HLF: variants seen among roughly 807,000 people sequenced by gnomAD.
HLF encodes HLF transcription factor, PAR bZIP family member.
Under a neutral mutation model 22.6 loss-of-function variants are expected in HLF, and 3 were observed. That is an observed-to-expected ratio of 0.13 (90% CI 0.06 to 0.34). The LOEUF is 0.34. HLF is among the 10% of genes least tolerant of loss of function. HLF has a pLI of 1.00. For missense variants in HLF, 299 were observed against 389.2 expected, an observed-to-expected ratio of 0.77 and a Z score of 1.95; for synonymous variants, 151 against 151.8, an observed-to-expected ratio of 0.99 and a Z score of 0.04.
intron 2 of HLF, among the ~76,000 whole-genome samples, chr17:55,313,364 G>A (rs1428658918): frequency 1.4e-5 from 2 of 146,516 alleles, no homozygotes; most frequent in Non-Finnish European, 3.0e-5. Flanking sequence ...GTGTGCGTGT[G>A]TGTGTGTGTG....
chr17:55,298,634 A>T (rs1305942001), intron 2 of HLF, among the ~76,000 whole-genome samples: 2 of 152,316 alleles, frequency 1.3e-5, no homozygotes, highest in East Asian at 3.9e-4. Context: ...TATGTTAGGG[A>T]TCTGTATGAC....
chr17:55,291,285 A>G (rs552215460), intron 2 of HLF, among the ~76,000 whole-genome samples: 1 of 152,372 alleles, frequency 6.6e-6, no homozygotes, highest in African/African-American at 2.4e-5. Context: ...AGCTGGAGAT[A>G]AATCCATGCC....
intron 2 of HLF, among the ~76,000 whole-genome samples, chr17:55,298,368 C>A (rs1299115304): frequency 6.6e-6 from 1 of 152,146 alleles, no homozygotes; most frequent in African/African-American, 2.4e-5. Context: ...AAAGAAGACG[C>A]ATGGAACTCA....
intron 2 of HLF, among the ~76,000 whole-genome samples, chr17:55,270,849 A>G (rs562273956): frequency 1.3e-5 from 2 of 151,922 alleles, no homozygotes; most frequent in East Asian, 1.9e-4. Context: ...TCACCGTTTT[A>G]GCCGGGATGG....
intron 2 of HLF, among the ~76,000 whole-genome samples, chr17:55,304,359 C>G (rs185969588): frequency 6.6e-6 from 1 of 152,128 alleles, no homozygotes; most frequent in East Asian, 1.9e-4. Context: ...GGGGCAATGG[C>G]GAGAAGGCTC....
At chr17:55,270,298 C>T (rs1299502048) in intron 2 of HLF, among the ~76,000 whole-genome samples, 2 of 152,178 alleles carry the variant, frequency 1.3e-5, no homozygotes, top group East Asian at 3.8e-4. Flanking sequence ...GAGTTGAAAA[C>T]TCGATAGTCC....
rs747368825 is a variant in HLF, at chr17:55,320,419, G to C, written c.673-245G>C. On this transcript the variant is annotated intron_variant, in intron 3 of 3. Coordinates refer to ENST00000226067, the MANE Select transcript of HLF (RefSeq NM_002126.5). This position sits in a 1 kb window ranked among gnomAD's most constrained non-coding sequence, Gnocchi z 4.2. ...CTCTGATCTCTGCTTCACTGAGCACGCCTCTGCTGGGCAAAGAGTAGGAGC... is the reference window on the plus strand; with the variant it reads ...CTCTGATCTCTGCTTCACTGAGCACCCCTCTGCTGGGCAAAGAGTAGGAGC... Among the ~76,000 whole-genome samples, 4 of 152,202 alleles carry C rather than the reference G, an allele frequency of 2.6e-5. No homozygotes were observed. Among genetic ancestry groups the C allele is most frequent in the Non-Finnish European group, 5.9e-5 (4 of 68,036 alleles).
chr17:55,275,778 A>G (rs1189010360), intron 2 of HLF, among the ~76,000 whole-genome samples: 3 of 152,206 alleles, frequency 2.0e-5, no homozygotes, highest in Non-Finnish European at 4.4e-5. Flanking sequence ...CCCTGTACAT[A>G]GTAGCCAAGC....
At position 55,282,190 on chromosome 17, in the gene HLF, T is replaced by A. The variant is rs1484921469; in HGVS notation, c.451+14104T>A. ...TCACCCAGTGAGTTTTAATTCGGAG[T>A]CCGAATCTGGTATTTAAAGGCCACG... On this transcript the variant is annotated intron_variant, in intron 2 of 3. Transcript: ENST00000226067. Among the ~76,000 whole-genome samples the A allele has an allele frequency of 3.3e-5, 5 of 152,116 alleles. No homozygotes were observed. The East Asian group carries it at 9.6e-4, about 29-fold the overall frequency.
intron 2 of HLF, among the ~76,000 whole-genome samples, chr17:55,276,357 C>A (rs564663504): frequency 6.6e-6 from 1 of 152,002 alleles, no homozygotes; most frequent in African/African-American, 2.4e-5. Context: ...TGTCAAATGA[C>A]GGGTATATAG....
In HLF at chr17:55,268,071, A is replaced by G; in HGVS notation, c.436A>G (p.Ser146Gly). 3 of 1,565,488 alleles carry G rather than the reference A, an allele frequency of 1.9e-6. No homozygotes were observed. Among genetic ancestry groups the G allele is most frequent in the Non-Finnish European group, 2.6e-6 (3 of 1,156,276 alleles). ...CATCCCATCTCCGAACTGTATGCAG[A>G]GCCCCATCAGACCAGGTAAGTGCCC... is the stretch of plus-strand genomic sequence containing the variant. ...PGIPSPNCMQ[S>G]PIRPGQLLPA... Residue 146 changes from serine to glycine, a missense_variant, in exon 2 of 4, where the codon AGC becomes GGC. Transcript: ENST00000226067.
At position 55,268,851 on chromosome 17, in the gene HLF, C is replaced by T. The variant is rs538355040; in HGVS notation, c.451+765C>T. On this transcript the variant is annotated intron_variant, in intron 2 of 3. Coordinates refer to ENST00000226067, the MANE Select transcript of HLF (RefSeq NM_002126.5). ...TTGAAATAGTACACAAAAATATCAC[C>T]TGAAATGACCAGTACTTCAAAACCC... Among the ~76,000 whole-genome samples, 14 of 152,210 alleles carry T rather than the reference C, an allele frequency of 9.2e-5. No homozygotes were observed. The East Asian group carries it at 2.7e-3, about 29-fold the overall frequency.
intron 2 of HLF, among the ~76,000 whole-genome samples, chr17:55,284,477 T>G (rs1477141): frequency 0.46 from 69,973 of 152,084 alleles, 16,745 homozygotes; most frequent in Middle Eastern, 0.63. Context: ...TGAGGCTGAT[T>G]AACTGGTTTG....
rs572023126 is a variant in HLF, at chr17:55,297,938, C to T, written c.452-17289C>T. Among the ~76,000 whole-genome samples, 89 of 151,790 alleles carry T rather than the reference C, an allele frequency of 5.9e-4. No individual in the cohort carries two copies. The South Asian group carries it at 0.011, about 19-fold the overall frequency. Reference sequence around the variant, plus strand: ...CTAATCTTTGTATTTTTAGTAGAGACGGAGTTTCGCCATGTTGGTTGGGCT... The same window carrying T: ...CTAATCTTTGTATTTTTAGTAGAGATGGAGTTTCGCCATGTTGGTTGGGCT... On this transcript the variant is annotated intron_variant, in intron 2 of 3. Transcript: ENST00000226067.
At chr17:55,303,439 T>A (rs1468979661) in intron 2 of HLF, among the ~76,000 whole-genome samples, 1 of 152,186 alleles carries the variant, frequency 6.6e-6, no homozygotes, top group Non-Finnish European at 1.5e-5. Flanking sequence ...GCTACCCTTC[T>A]CCCACCATAG....
Position 55,324,035 on chromosome 17 carries a change from T to G in HLF, c.*3156T>G, listed in dbSNP as rs1350768988. On this transcript the variant is annotated 3_prime_UTR_variant, in exon 4 of 4. Transcript: ENST00000226067. ...TTCTGCTGGTGCTGCCTTAAGGAGG[T>G]AGTTTGTTGAGGGGAGGGCTGTAGA... 1 of 228,488 alleles carries G rather than the reference T, an allele frequency of 4.4e-6. No individual in the cohort carries two copies. The highest frequency in any genetic ancestry group is 8.7e-6 in the Non-Finnish European group (1 of 115,300). 14.2% of individuals were successfully genotyped at this position (228,488 alleles called of 1,614,324 possible).
intron 2 of HLF, among the ~76,000 whole-genome samples, chr17:55,286,658 C>T (rs1173152157): frequency 6.6e-6 from 1 of 152,168 alleles, no homozygotes; most frequent in Non-Finnish European, 1.5e-5. Flanking sequence ...CCTCTCATAA[C>T]AAACGGTTGA....
At chr17:55,307,147 CT>C (rs35828509) in intron 2 of HLF, among the ~76,000 whole-genome samples, 6,332 of 70,226 alleles carry the variant, frequency 0.09, 60 homozygotes, top group Non-Finnish European at 0.12. Flanking sequence ...TCTCAGCGGC[CT>C]TTTTTTTTTT....
chr17:55,265,641 C>G (rs2080780453), intron 1 of HLF, 42 bp downstream of exon 1: 3 of 1,392,402 alleles, frequency 2.2e-6, no homozygotes, highest in African/African-American at 2.9e-5. Context: ...GGACGACGCT[C>G]CGGGGGTCCC....
Sources: gnomAD v4.1 joint callset for allele counts (sites outside exome capture counted in the v4.1 genomes callset) on GRCh38, gnomAD v4.1.1 for gene constraint, Gnocchi (gnomAD v3.1) non-coding constraint, MANE v1.5 for transcripts, NCBI Gene and HGNC (gene_info 2026-07-23, HGNC 2026-07-21) for gene names.